The following C4orf50 variants were observed in gnomAD, a reference collection of about 807,000 sequenced individuals.
C4orf50 encodes chromosome 4 open reading frame 50, also known as uncharacterized protein C4orf50.
C4orf50 carries 80 observed loss-of-function variants against 77.2 expected under a neutral mutation model. The ratio of observed to expected loss-of-function variants is 1.04; its 90% CI spans 0.87 to 1.25. C4orf50 has a LOEUF of 1.25. C4orf50 is among the 50% of genes most tolerant of loss of function. The probability of loss-of-function intolerance (pLI) is 0.00; values close to 1 mark genes in which losing one functional copy is unlikely to be tolerated. For synonymous variants in C4orf50, 532 were observed against 465.3 expected, an observed-to-expected ratio of 1.14 and a Z score of -1.84; for missense variants, 1,257 against 1,152.9, an observed-to-expected ratio of 1.09 and a Z score of -1.31.
intron 7 of C4orf50, among the ~76,000 whole-genome samples, chr4:5,934,294 T>C (rs1011224045): frequency 6.6e-5 from 10 of 152,292 alleles, no homozygotes; most frequent in Non-Finnish European, 1.3e-4. Context: ...TTCCAGGTCC[T>C]CGCTGTTGTT....
At chr4:5,991,980 A>G (rs947291792) in intron 27 of C4orf50, among the ~76,000 whole-genome samples, 1 of 152,124 alleles carries the variant, frequency 6.6e-6, no homozygotes, top group African/African-American at 2.4e-5. Context: ...CAGAGAAAAG[A>G]GCACTTGCCC....
chr4:5,913,879 A>C (rs758298832), intron 7 of C4orf50, among the ~76,000 whole-genome samples: 2 of 152,246 alleles, frequency 1.3e-5, no homozygotes, highest in Non-Finnish European at 2.9e-5. Flanking sequence ...ATTCCCTTGG[A>C]GACAATAATT....
intron 7 of C4orf50, among the ~76,000 whole-genome samples, chr4:5,948,860 C>T (rs1181876746): frequency 1.3e-5 from 2 of 149,084 alleles, no homozygotes; most frequent in African/African-American, 5.0e-5. Flanking sequence ...ACTCGGGAGG[C>T]TGAGGCAGGA....
Position 5,988,982 on chromosome 4 carries a change from C to A in C4orf50, c.3064G>T (p.Glu1022Ter). ...TGGCCCAGATTCCCTTTCAGTGTTT[C>A]ATTTTCCTCTTCAAGCTCCAAAATT... The change falls in exon 28 of 34, where the codon GAA becomes TAA. Residue 1022 changes from glutamate to a stop codon, truncating the protein, a stop_gained. Coordinates refer to ENST00000531445, the Ensembl canonical transcript of C4orf50. LOFTEE classifies it high-confidence loss of function. 1 of 1,536,048 alleles carries A rather than the reference C, an allele frequency of 6.5e-7. No homozygotes were observed. The highest frequency in any genetic ancestry group is 1.4e-5 in the African/African-American group (1 of 73,132).
At chr4:5,984,611 G>A (rs926125865) in intron 28 of C4orf50, among the ~76,000 whole-genome samples, 2 of 152,012 alleles carry the variant, frequency 1.3e-5, no homozygotes, top group African/African-American at 4.8e-5. Context: ...ACAGAAGGTG[G>A]GACATGGTAG....
rs1720992594 is a variant in C4orf50 at position 5,988,331 on chromosome 4, T to C, written c.3699+16A>G. On this transcript the variant is annotated intron_variant, in intron 28 of 33. Transcript: ENST00000531445. The stretch of plus-strand genomic sequence containing the variant: ...GTCATGCGTGATGAGTAAGCAGATA[T>C]GCAGACCCAACCTACCATGGGGCCA... 1.9e-6 allele frequency: 3 copies of C among 1,611,176 alleles called. No individual in the cohort carries two copies. The East Asian group carries it at 6.7e-5, about 36-fold the overall frequency.
At chr4:5,955,804 T>A (rs1718932573), downstream of C4orf50, among the ~76,000 whole-genome samples, 1 of 151,992 alleles carries the variant, frequency 6.6e-6, no homozygotes, top group Non-Finnish European at 1.5e-5. This position sits in a 1 kb window ranked among gnomAD's most constrained non-coding sequence, Gnocchi z 5.1. Context: ...AACTCCCACC[T>A]CCCCCACTCA....
intron 28 of C4orf50, among the ~76,000 whole-genome samples, chr4:5,984,408 A>G (rs1720752821): frequency 6.6e-6 from 1 of 152,238 alleles, no homozygotes; most frequent in Admixed American, 6.5e-5. Flanking sequence ...AAACAAAACA[A>G]AACCAAACCC....
exon 28 of C4orf50, chr4:5,988,430 C>T (rs781104053): frequency 3.1e-6 from 5 of 1,603,494 alleles, no homozygotes; most frequent in East Asian, 2.2e-5. Context: ...TCCAAATGTG[C>T]TTCTTTCACT....
At chr4:5,943,230 C>A (rs913870074) in intron 7 of C4orf50, among the ~76,000 whole-genome samples, 2 of 152,210 alleles carry the variant, frequency 1.3e-5, no homozygotes, top group Non-Finnish European at 2.9e-5. Context: ...TAGGCTTCTT[C>A]TTAAAGTGAT....
intron 7 of C4orf50, among the ~76,000 whole-genome samples, chr4:5,924,926 A>T (rs1717445701): frequency 6.6e-6 from 1 of 151,932 alleles, no homozygotes; most frequent in African/African-American, 2.4e-5. Flanking sequence ...CAAGGGTGGA[A>T]CCCTGGGAAG....
chr4:5,940,071 A>T (rs1410597813), intron 7 of C4orf50, among the ~76,000 whole-genome samples: 1 of 152,224 alleles, frequency 6.6e-6, no homozygotes, highest in Non-Finnish European at 1.5e-5. Flanking sequence ...CTTCATAAAT[A>T]TTCATGACTC....
downstream of C4orf50, among the ~76,000 whole-genome samples, chr4:5,955,639 G>A (rs116575084): frequency 0.048 from 7,346 of 152,136 alleles, 517 homozygotes; most frequent in African/African-American, 0.16. This position sits in a 1 kb window ranked among gnomAD's most constrained non-coding sequence, Gnocchi z 5.1. Context: ...ACTTCTCAGC[G>A]CCTCACCAGC....
chr4:5,937,330 G>T (rs954138439), intron 7 of C4orf50, among the ~76,000 whole-genome samples: 1 of 152,072 alleles, frequency 6.6e-6, no homozygotes, highest in South Asian at 2.1e-4. Context: ...TTCTCTGTGC[G>T]TGAGGAAGTT....
chr4:5,988,742 C>A lies in C4orf50; in HGVS notation c.3304G>T (p.Glu1102Ter). Residue 1102 changes from glutamate (E) to a stop codon, truncating the protein, a stop_gained, in exon 28 of 34, where the codon GAA becomes TAA. Coordinates refer to ENST00000531445, the Ensembl canonical transcript of C4orf50. LOFTEE classifies it high-confidence loss of function. ...TCCGTGCTCCTCTGCAAGGTGACTT[C>A]CCTCTCCAGGACATGGACCCTGCGT... 6.5e-7 allele frequency: 1 copy of A among 1,536,114 alleles called. No homozygotes were observed. The highest frequency in any genetic ancestry group is 1.2e-5 in the South Asian group (1 of 84,058).
At chr4:6,006,379 T>TA (rs1722254517) in intron 25 of C4orf50, among the ~76,000 whole-genome samples, 1 of 152,142 alleles carries the variant, frequency 6.6e-6, no homozygotes, top group Non-Finnish European at 1.5e-5. Flanking sequence ...GGGAGCTGAG[T>TA]TAGTGCTTCC....
rs893041177 is a variant in C4orf50, at chr4:5,992,935, A to AAAGCAACAAGACCCTGGG, written c.1094-23_1094-6dup. 5.0e-6 allele frequency: 2 copies of AAAGCAACAAGACCCTGGG among 398,856 alleles called. No homozygotes were observed. The highest frequency in any genetic ancestry group is 8.8e-6 in the Non-Finnish European group (2 of 226,070). 24.7% of individuals were successfully genotyped at this position (398,856 alleles called of 1,614,324 possible). A position where few individuals can be genotyped will look rare whatever the true frequency, so the allele number is the denominator to read the frequency against. ...AGGGCCCCTCTGGGGACTGGCCTGG[A>AAAGCAACAAGACCCTGGG]AAGCAACAAGACCCTGGGGGTTACA... is the stretch of plus-strand genomic sequence containing the variant. On this transcript the variant is annotated splice_polypyrimidine_tract_variant and splice_region_variant and intron_variant, in intron 26 of 33. Transcript: ENST00000531445. The surrounding 1 kb of genome is among the most constrained non-coding windows in gnomAD (Gnocchi z 5.0).
At position 5,988,701 on chromosome 4, in the gene C4orf50, C is replaced by T. The variant is rs1050518285; in HGVS notation, c.3345G>A (p.Val1115=). Reference sequence around the variant, plus strand: ...TTCCCTGGAGGTGCTCCCTTCCCCTCACCAAACGCCCCTGATCCGTGCTCC... The same window carrying T: ...TTCCCTGGAGGTGCTCCCTTCCCCTTACCAAACGCCCCTGATCCGTGCTCC... The change falls in exon 28 of 34, where the codon GTG becomes GTA. Residue 1115 remains valine, a synonymous_variant. Coordinates refer to ENST00000531445, the Ensembl canonical transcript of C4orf50. 9.1e-6 allele frequency: 14 copies of T among 1,536,004 alleles called. No homozygotes were observed. The African/African-American group carries it at 1.5e-4, about 17-fold the overall frequency.
At chr4:5,967,313 C>A (rs546447000) in intron 32 of C4orf50, 101 bp downstream of exon 10, 13 of 900,014 alleles carry the variant, frequency 1.4e-5, no homozygotes, top group Non-Finnish European at 2.0e-5. Context: ...AGCATGAATG[C>A]GACAGTGGGC....
Sources: allele counts gnomAD v4.1 joint callset (sites outside exome capture counted in the v4.1 genomes callset), GRCh38; gene constraint gnomAD v4.1.1; non-coding constraint Gnocchi (gnomAD v3.1); transcripts MANE v1.5; gene names NCBI Gene and HGNC (gene_info 2026-07-23, HGNC 2026-07-21).